The following FHIT variants were observed in gnomAD, a reference collection of about 807,000 sequenced individuals.
The protein encoded by FHIT is bis(5'-adenosyl)-triphosphatase.
FHIT carries 19 observed loss-of-function variants against 17.9 expected under a neutral mutation model. The ratio of observed to expected loss-of-function variants is 1.06; its 90% CI spans 0.74 to 1.56. The LOEUF is 1.56. Among genes scored for constraint, FHIT ranks in the 40% most tolerant of loss-of-function variants. FHIT has a pLI of 0.00. For missense variants in FHIT, 248 were observed against 189.2 expected, an observed-to-expected ratio of 1.31 and a Z score of -1.82; for synonymous variants, 81 against 69.7, an observed-to-expected ratio of 1.16 and a Z score of -0.81.
chr3:60,401,892 C>A lies in FHIT; in HGVS notation c.103+134968G>T, dbSNP rs1388636295. 2.0e-5 allele frequency among the ~76,000 whole-genome samples: 3 copies of A among 152,094 alleles called. No homozygotes were observed. The East Asian group carries it at 5.8e-4, about 29-fold the overall frequency. On this transcript the variant is annotated intron_variant, in intron 5 of 9. Coordinates refer to ENST00000492590, the MANE Select transcript of FHIT (RefSeq NM_002012.4). ...AAGCCCTACTTGCCTTAATCAGATA[C>A]CTCAACAGTTGAGTGTTCTGGGTCA...
intron 4 of FHIT, among the ~76,000 whole-genome samples, chr3:60,578,932 T>C (rs2037663738): frequency 6.6e-6 from 1 of 152,192 alleles, no homozygotes; most frequent in Non-Finnish European, 1.5e-5. Context: ...TGGACATTAA[T>C]TACAGGCAAA....
chr3:60,513,936 G>C (rs1381710812), intron 5 of FHIT, among the ~76,000 whole-genome samples: 2 of 152,224 alleles, frequency 1.3e-5, no homozygotes, highest in Admixed American at 6.5e-5. Flanking sequence ...GAAGAGGAGA[G>C]AAGTGTCTGA....
intron 1 of FHIT, among the ~76,000 whole-genome samples, chr3:61,204,148 ACT>A (rs567290851): frequency 2.6e-5 from 4 of 152,332 alleles, no homozygotes; most frequent in African/African-American, 9.6e-5. Flanking sequence ...AAAAATAAAT[ACT>A]GTGTTGTTTT....
intron 8 of FHIT, among the ~76,000 whole-genome samples, chr3:59,764,614 C>T (rs1029045635): frequency 1.3e-5 from 2 of 152,014 alleles, no homozygotes; most frequent in Non-Finnish European, 2.9e-5. Context: ...TCCCAAATGC[C>T]TCTCTCTATT....
chr3:60,974,318 G>A (rs1342529735), intron 3 of FHIT, among the ~76,000 whole-genome samples: 1 of 152,116 alleles, frequency 6.6e-6, no homozygotes, highest in African/African-American at 2.4e-5. Flanking sequence ...ATGTGACTCA[G>A]GTCTGGTCAG....
chr3:60,630,320 C>G (rs149352311), intron 4 of FHIT, among the ~76,000 whole-genome samples: 1 of 152,280 alleles, frequency 6.6e-6, no homozygotes, highest in Admixed American at 6.5e-5. Flanking sequence ...GGACAGAAGG[C>G]AAATGATTTT....
intron 4 of FHIT, among the ~76,000 whole-genome samples, chr3:60,585,733 A>T (rs2037885266): frequency 6.6e-6 from 1 of 152,028 alleles, no homozygotes; most frequent in Non-Finnish European, 1.5e-5. Flanking sequence ...ATCTGTTCAT[A>T]AGTCATAGGA....
chr3:61,091,468 A>G (rs1575995608), intron 2 of FHIT, among the ~76,000 whole-genome samples: 1 of 152,128 alleles, frequency 6.6e-6, no homozygotes, highest in Non-Finnish European at 1.5e-5. Flanking sequence ...TGCTGTTACT[A>G]TTGTTGTCCT....
chr3:59,766,486 C>T (rs939557170), intron 8 of FHIT, among the ~76,000 whole-genome samples: 10 of 152,210 alleles, frequency 6.6e-5, no homozygotes, highest in Admixed American at 2.0e-4. Flanking sequence ...ACACAGGTTG[C>T]TGTTCTTAAT....
intron 4 of FHIT, among the ~76,000 whole-genome samples, chr3:60,740,699 A>G (rs2042223163): frequency 6.6e-6 from 1 of 152,186 alleles, no homozygotes; most frequent in African/African-American, 2.4e-5. Context: ...TCCCTCCACC[A>G]GGGTTGTTCT....
chr3:60,590,907 C>T (rs936724357), intron 4 of FHIT, among the ~76,000 whole-genome samples: 5 of 151,976 alleles, frequency 3.3e-5, no homozygotes, highest in African/African-American at 1.2e-4. Flanking sequence ...GGAAGGCTTC[C>T]AGGAGGAAGC....
intron 4 of FHIT, among the ~76,000 whole-genome samples, chr3:60,560,746 C>T (rs2036907299): frequency 6.6e-6 from 1 of 151,288 alleles, no homozygotes; most frequent in South Asian, 2.1e-4. Context: ...GTGAGTTTTC[C>T]TCCACTGGCA....
At chr3:61,234,440 GA>G (rs1254883124) in intron 1 of FHIT, among the ~76,000 whole-genome samples, 1 of 152,092 alleles carries the variant, frequency 6.6e-6, no homozygotes, top group Non-Finnish European at 1.5e-5. Context: ...AATGCCATGG[GA>G]AAATGCATAC....
intron 4 of FHIT, among the ~76,000 whole-genome samples, chr3:60,703,743 G>A (rs9861551): frequency 0.12 from 17,740 of 151,908 alleles, 2,297 homozygotes; most frequent in African/African-American, 0.32. Context: ...TAAAGCTTTC[G>A]TATGTTACAA....
chr3:60,528,422 AAAGG>A (rs2035652588), intron 5 of FHIT, among the ~76,000 whole-genome samples: 1 of 131,386 alleles, frequency 7.6e-6, no homozygotes, highest in South Asian at 2.6e-4. Context: ...AAAGGAAAAG[AAAGG>A]AAGGAAGGAA....
intron 5 of FHIT, among the ~76,000 whole-genome samples, chr3:60,035,086 G>A (rs2106803552): frequency 6.6e-6 from 1 of 152,282 alleles, no homozygotes; most frequent in African/African-American, 2.4e-5. Context: ...CTGAGTCAGA[G>A]GATCAAGCCA....
In FHIT at chr3:60,140,307, C is replaced by G. The variant is rs556110853; in HGVS notation, c.104-126155G>C. On this transcript the variant is annotated intron_variant, in intron 5 of 9. Transcript: ENST00000492590. The stretch of plus-strand genomic sequence containing the variant: ...TGTAGGAAACCACAGCTACTCCCCT[C>G]ACATGAAGAAATTCACATGAGGGGT... 5.9e-5 allele frequency among the ~76,000 whole-genome samples: 9 copies of G among 152,250 alleles called. No individual in the cohort carries two copies. In the South Asian group the frequency reaches 1.9e-3, roughly 32 times the overall value.
intron 2 of FHIT, among the ~76,000 whole-genome samples, chr3:61,178,157 A>G (rs1035165307): frequency 1.3e-5 from 2 of 152,166 alleles, no homozygotes; most frequent in African/African-American, 2.4e-5. Flanking sequence ...ATGGAATGAT[A>G]ATAACAATAG....
intron 5 of FHIT, among the ~76,000 whole-genome samples, chr3:60,526,164 A>ACC (rs397937970): frequency 2.0e-5 from 3 of 151,042 alleles, no homozygotes; most frequent in South Asian, 2.1e-4. Flanking sequence ...ACACACACAC[A>ACC]AACAGGTGAC....
Sources: gnomAD v4.1 joint callset for allele counts (sites outside exome capture counted in the v4.1 genomes callset) on GRCh38, gnomAD v4.1.1 for gene constraint, MANE v1.5 for transcripts, NCBI Gene and HGNC (gene_info 2026-07-23, HGNC 2026-07-21) for gene names.